Variants in NRROS observed in about 807,000 individuals in gnomAD.
NRROS encodes the protein negative regulator of reactive oxygen species.
Under a neutral mutation model 12.0 loss-of-function variants are expected in NRROS, and 6 were observed. The observed-to-expected ratio is 0.50, with a 90% CI of 0.27 to 0.98. The LOEUF is 0.98. NRROS is among the 50% of genes least tolerant of loss of function. The pLI is 0.11. For missense variants in NRROS, 857 were observed against 888.2 expected (o/e 0.96, Z 0.45); for synonymous variants, 462 against 410.2 (o/e 1.13, Z -1.53).
intron 2 of NRROS, among the ~76,000 whole-genome samples, chr3:196,656,958 C>T (rs1453161139): frequency 6.6e-6 from 1 of 152,088 alleles, no homozygotes; most frequent in African/African-American, 2.4e-5. Context: ...AATCTCAGCA[C>T]TTTGGGAGGC....
chr3:196,651,505 G>A (rs766313994), intron 1 of NRROS, among the ~76,000 whole-genome samples: 2 of 152,106 alleles, frequency 1.3e-5, no homozygotes, highest in Non-Finnish European at 1.5e-5. Flanking sequence ...CATGACTCAC[G>A]CCTGTAATCC....
rs1577638124 is a variant in NRROS at position 196,661,212 on chromosome 3, C to T, written c.1569C>T (p.Leu523=). The T allele has an allele frequency of 6.2e-7, 1 of 1,613,944 alleles. No homozygotes were observed. Among genetic ancestry groups the T allele is most frequent in the South Asian group, 1.1e-5 (1 of 91,010 alleles). ...LQVLSLRNMG[L]HSSFMALDFS... ...TCCTGTCTCTCAGGAACATGGGCCT[C>T]CACTCCAGCTTTATGGCGTTGGACT... The change falls in exon 3 of 3, where the codon CTC becomes CTT. Residue 523 remains leucine, a synonymous_variant. Transcript: ENST00000328557.
intron 1 of NRROS, among the ~76,000 whole-genome samples, chr3:196,648,585 G>A (rs1184723331): frequency 6.6e-6 from 1 of 151,782 alleles, no homozygotes; most frequent in East Asian, 1.9e-4. Context: ...TGACCAAAAT[G>A]GAAAAACCCC....
chr3:196,655,954 C>A lies in NRROS; in HGVS notation c.108+1307C>A, dbSNP rs1269051881. 2.0e-5 allele frequency among the ~76,000 whole-genome samples: 3 copies of A among 152,258 alleles called. No individual in the cohort carries two copies. In the East Asian group the frequency reaches 5.8e-4, roughly 29 times the overall value. On this transcript the variant is annotated intron_variant, in intron 2 of 2. Coordinates refer to ENST00000328557, the MANE Select transcript of NRROS (RefSeq NM_198565.3). The stretch of plus-strand genomic sequence containing the variant: ...TTGGGAGGCCGAGGCGGGCAGATCA[C>A]AAGGTCAAGAGGTCGAGACCAGCCT...
chr3:196,661,859 A>G lies in NRROS; in HGVS notation c.*137A>G, dbSNP rs1177932126. The G allele has an allele frequency of 3.9e-5, 26 of 672,648 alleles. No homozygotes were observed. Among genetic ancestry groups the G allele is most frequent in the Non-Finnish European group, 5.7e-5 (25 of 435,632 alleles). 41.7% of individuals were successfully genotyped at this position (672,648 alleles called of 1,614,324 possible). A position where few individuals can be genotyped will look rare whatever the true frequency, so the allele number is the denominator to read the frequency against. ...AAAATTTAATATGTTTCCATTCCTC[A>G]TCGCCCACCCCACCCCCGCCCCCAC... On this transcript the variant is annotated 3_prime_UTR_variant, in exon 3 of 3. Coordinates refer to ENST00000328557, the MANE Select transcript of NRROS (RefSeq NM_198565.3).
At chr3:196,648,992 G>C (rs962652828) in intron 1 of NRROS, among the ~76,000 whole-genome samples, 1 of 152,112 alleles carries the variant, frequency 6.6e-6, no homozygotes, top group African/African-American at 2.4e-5. Context: ...TGGATTCAGG[G>C]CAAGTGTTTC....
At chr3:196,640,807 G>A (rs1450373222) in intron 1 of NRROS, among the ~76,000 whole-genome samples, 3 of 151,932 alleles carry the variant, frequency 2.0e-5, no homozygotes, top group African/African-American at 7.3e-5. Context: ...GAGCCTCTCC[G>A]GACAGGGCTG....
At chr3:196,643,995 C>T (rs1208951496) in intron 1 of NRROS, among the ~76,000 whole-genome samples, 1 of 152,200 alleles carries the variant, frequency 6.6e-6, no homozygotes, top group Non-Finnish European at 1.5e-5. Flanking sequence ...AGCAAGTTAG[C>T]GGTCTCCCTG....
chr3:196,658,594 A>C (rs866790350), intron 2 of NRROS, among the ~76,000 whole-genome samples: 1 of 152,138 alleles, frequency 6.6e-6, no homozygotes, highest in African/African-American at 2.4e-5. Flanking sequence ...TGAACCCACA[A>C]TTGTAGGCAA....
chr3:196,650,481 C>T (rs1737403119), intron 1 of NRROS, among the ~76,000 whole-genome samples: 1 of 151,962 alleles, frequency 6.6e-6, no homozygotes, highest in Non-Finnish European at 1.5e-5. Context: ...GGTTTTGCCA[C>T]CTTGCTCAGG....
At chr3:196,652,602 G>A (rs749254100) in intron 1 of NRROS, among the ~76,000 whole-genome samples, 2 of 152,134 alleles carry the variant, frequency 1.3e-5, no homozygotes, top group African/African-American at 4.8e-5. Context: ...GTTTTTTTCT[G>A]GGCTGGTTGG....
In NRROS at chr3:196,654,488, C is replaced by T. The variant is rs1211661260; in HGVS notation, c.-13-39C>T. 7 of 1,205,726 alleles carry T rather than the reference C, an allele frequency of 5.8e-6. No homozygotes were observed. Among genetic ancestry groups the T allele is most frequent in the Non-Finnish European group, 8.7e-6 (7 of 806,898 alleles). 74.7% of individuals were successfully genotyped at this position (1,205,726 alleles called of 1,614,324 possible). On this transcript the variant is annotated intron_variant, in intron 1 of 2. Transcript: ENST00000328557. The surrounding 1 kb of genome is among the most constrained non-coding windows in gnomAD (Gnocchi z 4.4). The stretch of plus-strand genomic sequence containing the variant: ...TAATACAAACAGCCCTCTGGGATGT[C>T]CTTCTCTGACTTACCTCTTCCCTGC...
At chr3:196,640,924 G>A (rs555325158) in intron 1 of NRROS, among the ~76,000 whole-genome samples, 1 of 152,330 alleles carries the variant, frequency 6.6e-6, no homozygotes, top group African/African-American at 2.4e-5. Flanking sequence ...TTCAGCGTCT[G>A]TGGCCCTCCA....
chr3:196,655,309 C>T (rs1334205712), intron 2 of NRROS, among the ~76,000 whole-genome samples: 1 of 151,084 alleles, frequency 6.6e-6, no homozygotes, highest in Non-Finnish European at 1.5e-5. Flanking sequence ...CCAAGTCCGG[C>T]GGATCACCTG....
In NRROS at chr3:196,649,871, G is replaced by A. The variant is rs557600457; in HGVS notation, c.-13-4656G>A. Among the ~76,000 whole-genome samples, 12 of 152,300 alleles carry A rather than the reference G, an allele frequency of 7.9e-5. No homozygotes were observed. The South Asian group carries it at 2.1e-3, about 26-fold the overall frequency. On this transcript the variant is annotated intron_variant, in intron 1 of 2. Transcript: ENST00000328557. ...TCAGCTTCTCTGATTACTTTGAGGA[G>A]AAAATTCTTAACTACGTGGTAACAT...
chr3:196,648,766 C>CAAA (rs34359599), intron 1 of NRROS, among the ~76,000 whole-genome samples: 8,514 of 74,638 alleles, frequency 0.11, 692 homozygotes, highest in African/African-American at 0.16. Flanking sequence ...AACTCCATCT[C>CAAA]AAAAAAAAAA....
intron 1 of NRROS, among the ~76,000 whole-genome samples, chr3:196,647,890 CG>C (rs1465986109): frequency 6.6e-6 from 1 of 152,100 alleles, no homozygotes; most frequent in South Asian, 2.1e-4. Flanking sequence ...TTAGTAGAGA[CG>C]GGGTTTCTCT....
At chr3:196,648,337 G>A (rs748833808) in intron 1 of NRROS, among the ~76,000 whole-genome samples, 6 of 152,136 alleles carry the variant, frequency 3.9e-5, no homozygotes, top group Non-Finnish European at 8.8e-5. Context: ...TAACAATAGA[G>A]GCGATGTCTT....
intron 1 of NRROS, among the ~76,000 whole-genome samples, chr3:196,651,317 A>T (rs1737419916): frequency 6.6e-6 from 1 of 152,214 alleles, no homozygotes; most frequent in Non-Finnish European, 1.5e-5. Context: ...TCCAACCAGG[A>T]AACGGAAACT....
Sources: allele counts gnomAD v4.1 joint callset (sites outside exome capture counted in the v4.1 genomes callset), GRCh38; gene constraint gnomAD v4.1.1; non-coding constraint Gnocchi (gnomAD v3.1); transcripts MANE v1.5; gene names NCBI Gene and HGNC (gene_info 2026-07-23, HGNC 2026-07-21).